Variants in VWCE observed in about 807,000 individuals in gnomAD.
The protein encoded by VWCE is von Willebrand factor C and EGF domain-containing protein.
In VWCE, 68 loss-of-function variants were observed where a neutral mutation model predicts 102.9. The ratio of observed to expected loss-of-function variants is 0.66; its 90% CI spans 0.54 to 0.81. VWCE has a LOEUF of 0.81. VWCE is among the 30% of genes least tolerant of loss of function. The pLI is 0.00. For missense variants in VWCE, 1,137 were observed against 1,263.6 expected, an observed-to-expected ratio of 0.90 and a Z score of 1.52; for synonymous variants, 497 against 515.4, an observed-to-expected ratio of 0.96 and a Z score of 0.48.
At chr11:61,275,333 C>G (rs1459131441) in intron 11 of VWCE, among the ~76,000 whole-genome samples, 1 of 152,074 alleles carries the variant, frequency 6.6e-6, no homozygotes, top group Non-Finnish European at 1.5e-5. Flanking sequence ...GTCAGACTGC[C>G]CTGGGCTCAA....
chr11:61,281,973 G>A (rs1855158432), intron 6 of VWCE, 59 bp from the exon 7 acceptor site: 1 of 1,576,648 alleles, frequency 6.3e-7, no homozygotes, highest in Admixed American at 1.7e-5. Context: ...CCCTTCTTCC[G>A]CCCATCCCTT....
At chr11:61,271,429 G>C in intron 14 of VWCE, 1 of 392,010 alleles carries the variant, frequency 2.6e-6, no homozygotes, top group South Asian at 2.3e-5. Context: ...ACAGGCGTGA[G>C]CCACCGCACC....
intron 4 of VWCE, among the ~76,000 whole-genome samples, chr11:61,288,088 CAG>C (rs1179542301): frequency 7.2e-6 from 1 of 139,490 alleles, no homozygotes; most frequent in African/African-American, 2.9e-5. Context: ...ACCAGGAAGT[CAG>C]AGGTTGCAGT....
intron 1 of VWCE, among the ~76,000 whole-genome samples, chr11:61,293,070 C>T (rs193107877): frequency 2.4e-3 from 357 of 151,858 alleles, no homozygotes; most frequent in Non-Finnish European, 4.0e-3. Flanking sequence ...GGAGAAACCC[C>T]GACTCTACTA....
chr11:61,265,100 T>C (rs769832638), intron 17 of VWCE, 22 bp downstream of exon 17: 2 of 1,613,024 alleles, frequency 1.2e-6, no homozygotes, highest in Admixed American at 3.3e-5. Context: ...ACCTGGCACG[T>C]GGGGCAGCTG....
intron 1 of VWCE, among the ~76,000 whole-genome samples, 157 bp from the exon 2 acceptor site, chr11:61,291,733 A>G (rs1459269121): frequency 6.6e-6 from 1 of 152,232 alleles, no homozygotes; most frequent in Non-Finnish European, 1.5e-5. Flanking sequence ...TGACCCAAAC[A>G]GTCTTCTCCT....
chr11:61,258,473 T>C lies in VWCE; in HGVS notation c.*202A>G. 2 of 493,208 alleles carry C rather than the reference T, an allele frequency of 4.1e-6. No homozygotes were observed. The highest frequency in any genetic ancestry group is 2.0e-5 in the African/African-American group (1 of 50,044). 30.6% of individuals were successfully genotyped at this position (493,208 alleles called of 1,614,324 possible). On this transcript the variant is annotated 3_prime_UTR_variant, in exon 20 of 20. Coordinates refer to ENST00000335613, the MANE Select transcript of VWCE (RefSeq NM_152718.2). ...GGAGGATGCTGACAGTGGAAACGACTTCCTCCATTCTTACAGCACATTCCA... is the reference window on the plus strand; with the variant it reads ...GGAGGATGCTGACAGTGGAAACGACCTCCTCCATTCTTACAGCACATTCCA...
Position 61,271,532 on chromosome 11 carries a change from TTG to T in VWCE, c.1785+141_1785+142del, listed in dbSNP as rs1168312495. ...CAGGATAAACTCGGTCCAACCCTTT[TTG>T]TGAAAGTGGAACTTGACAGCACCGG... is the stretch of plus-strand genomic sequence containing the variant. On this transcript the variant is annotated intron_variant, in intron 14 of 19. Coordinates refer to ENST00000335613, the MANE Select transcript of VWCE (RefSeq NM_152718.2). The T allele has an allele frequency of 8.3e-6, 6 of 722,912 alleles. No individual in the cohort carries two copies. The Admixed American group carries it at 9.3e-5, about 11-fold the overall frequency. The allele number at this position is 722,912 out of a possible 1,614,324, so 44.8% of individuals were successfully genotyped here.
At chr11:61,278,007 C>A (rs1294871379) in intron 10 of VWCE, among the ~76,000 whole-genome samples, 1 of 152,162 alleles carries the variant, frequency 6.6e-6, no homozygotes, top group East Asian at 1.9e-4. Flanking sequence ...ATACTTTTAA[C>A]AAGCTGAGTT....
Position 61,258,554 on chromosome 11 carries a change from G to C in VWCE, c.*121C>G. The C allele has an allele frequency of 2.9e-6, 3 of 1,037,396 alleles. No individual in the cohort carries two copies. The highest frequency in any genetic ancestry group is 3.8e-6 in the Non-Finnish European group (3 of 797,054). 64.3% of individuals were successfully genotyped at this position (1,037,396 alleles called of 1,614,324 possible). On this transcript the variant is annotated 3_prime_UTR_variant, in exon 20 of 20. Coordinates refer to ENST00000335613, the MANE Select transcript of VWCE (RefSeq NM_152718.2). The stretch of plus-strand genomic sequence containing the variant: ...CCTTGGGGGTCTTCCATCCTCACCA[G>C]GGCCCCTGCAGGAGGGAGCCCAGGC...
chr11:61,268,903 G>A lies in VWCE; in HGVS notation c.1882+19C>T. On this transcript the variant is annotated intron_variant, in intron 15 of 19. Coordinates refer to ENST00000335613, the MANE Select transcript of VWCE (RefSeq NM_152718.2). ...GAGATGCCCTGCCCTGGGGGCTTGG[G>A]GCAGAGGCAGGGGATTACCTGCTGA... The A allele has an allele frequency of 6.2e-7, 1 of 1,613,088 alleles. No homozygotes were observed. The highest frequency in any genetic ancestry group is 8.5e-7 in the Non-Finnish European group (1 of 1,179,332).
intron 9 of VWCE, among the ~76,000 whole-genome samples, chr11:61,279,139 T>C (rs1322739101): frequency 2.6e-5 from 4 of 151,944 alleles, no homozygotes; most frequent in Admixed American, 6.5e-5. Flanking sequence ...AGTACCCAGA[T>C]TGTCTTCACT....
chr11:61,291,376 G>C, intron 2 of VWCE, 23 bp from the exon 3 acceptor site: 1 of 1,607,150 alleles, frequency 6.2e-7, no homozygotes, highest in Non-Finnish European at 8.5e-7. Flanking sequence ...GTGCAGGTGA[G>C]ACACGAGGAA....
At chr11:61,264,713 T>C in intron 18 of VWCE, 136 bp from the exon 19 acceptor site, 1 of 1,033,080 alleles carries the variant, frequency 9.7e-7, no homozygotes, top group Non-Finnish European at 1.4e-6. Flanking sequence ...GCCTGAGCCC[T>C]CGCCTGGAGA....
intron 1 of VWCE, among the ~76,000 whole-genome samples, chr11:61,292,498 A>C (rs905746959): frequency 1.3e-5 from 2 of 152,318 alleles, no homozygotes; most frequent in South Asian, 4.1e-4. Flanking sequence ...TAGGTGCTCA[A>C]TAAATGGCTG....
rs558672625 is a variant in VWCE, at chr11:61,258,510, G to A, written c.*165C>T. 108 of 648,400 alleles carry A rather than the reference G, an allele frequency of 1.7e-4. No individual in the cohort carries two copies. In the African/African-American group the frequency reaches 1.9e-3, roughly 11 times the overall value. The allele number at this position is 648,400 out of a possible 1,614,324, so 40.2% of individuals were successfully genotyped here. ...TACAGCACATTCCAAACACTTCTTG[G>A]GAACAAGGTTACATCCAGCCTTGGG... On this transcript the variant is annotated 3_prime_UTR_variant, in exon 20 of 20. Coordinates refer to ENST00000335613, the MANE Select transcript of VWCE (RefSeq NM_152718.2).
Position 61,286,271 on chromosome 11 carries a change from C to T in VWCE, c.541+43G>A, listed in dbSNP as rs760382764. ...GGGCTGAGTGTTCAATGTGGCATCCCCATTACCCCTCCCAGAGCAGCCATT... is the reference window on the plus strand; with the variant it reads ...GGGCTGAGTGTTCAATGTGGCATCCTCATTACCCCTCCCAGAGCAGCCATT... On this transcript the variant is annotated intron_variant, in intron 5 of 19. Transcript: ENST00000335613. The T allele has an allele frequency of 2.1e-5, 33 of 1,562,380 alleles. No homozygotes were observed. In the South Asian group the frequency reaches 3.2e-4, roughly 15 times the overall value.
At chr11:61,289,747 A>C (rs555071709) in intron 4 of VWCE, among the ~76,000 whole-genome samples, 68 of 152,346 alleles carry the variant, frequency 4.5e-4, no homozygotes, top group African/African-American at 1.6e-3. Flanking sequence ...CAGGAAAAAA[A>C]ACTTCATTTT....
At chr11:61,286,513 C>T in intron 4 of VWCE, 83 bp from the exon 5 acceptor site, 1 of 1,329,674 alleles carries the variant, frequency 7.5e-7, no homozygotes, top group South Asian at 1.2e-5. Flanking sequence ...GAAGAAAGCA[C>T]CCTTGCAGGC....
Sources: allele counts gnomAD v4.1 joint callset (sites outside exome capture counted in the v4.1 genomes callset), GRCh38; gene constraint gnomAD v4.1.1; transcripts MANE v1.5; gene names NCBI Gene and HGNC (gene_info 2026-07-23, HGNC 2026-07-21).